Variants in SMC1A observed in about 807,000 individuals in gnomAD.
The protein encoded by SMC1A is structural maintenance of chromosomes protein 1A.
In SMC1A, 4 loss-of-function variants were observed where a neutral mutation model predicts 94.5. The ratio of observed to expected loss-of-function variants is 0.04; its 90% CI spans 0.02 to 0.10. The LOEUF is 0.10. Ranked by LOEUF, SMC1A falls within the 10% of genes least tolerant of loss-of-function variation. SMC1A has a pLI of 1.00. For missense variants in SMC1A, 304 were observed against 989.0 expected (o/e 0.31, Z 9.29); for synonymous variants, 345 against 347.7 (o/e 0.99, Z 0.09).
chrX:53,419,087 G>A (rs940710959), intron 1 of SMC1A, among the ~76,000 whole-genome samples: 2 of 105,463 alleles, frequency 1.9e-5, no homozygotes, highest in Non-Finnish European at 3.9e-5. Context: ...TGGTGGATAA[G>A]GAGGAACAGT....
At chrX:53,410,808 CAATAAA>C (rs1260074784) in intron 7 of SMC1A, among the ~76,000 whole-genome samples, 1 of 103,908 alleles carries the variant, frequency 9.6e-6, no homozygotes, top group African/African-American at 3.5e-5. Context: ...TCTCAAAAAA[CAATAAA>C]AATAAAAATA....
chrX:53,396,435 A>G (rs2075651470), intron 17 of SMC1A, 37 bp downstream of exon 17: 3 of 1,210,794 alleles, frequency 2.5e-6, no homozygotes, highest in Non-Finnish European at 3.4e-6. Context: ...TGCCTGCTCT[A>G]TCTACGTCCT....
chrX:53,406,945 G>A (rs1435457338), intron 9 of SMC1A, among the ~76,000 whole-genome samples: 2 of 111,994 alleles, frequency 1.8e-5, no homozygotes, highest in Non-Finnish European at 3.8e-5. Context: ...TGATCTGCCC[G>A]CCTCGGCCTC....
Position 53,409,522 on chromosome X carries a change from A to T in SMC1A, c.1255-19T>A. 8.5e-7 allele frequency: 1 copy of T among 1,177,881 alleles called. No homozygotes were observed. The highest frequency in any genetic ancestry group is 1.8e-5 in the South Asian group (1 of 56,162). ...TCTTGGCCTGGGAAACAAACATTCC[A>T]TCATCAGGGGCTGCACGAGTTTACG... On this transcript the variant is annotated intron_variant, in intron 7 of 24. Transcript: ENST00000322213.
intron 1 of SMC1A, among the ~76,000 whole-genome samples, chrX:53,420,419 G>T (rs1258274970): frequency 1.8e-5 from 2 of 108,543 alleles, no homozygotes; most frequent in Non-Finnish European, 1.9e-5. Flanking sequence ...AGCTACTTGG[G>T]AGGCTGAGGC....
chrX:53,394,074 G>A lies in SMC1A; in HGVS notation c.2973+704C>T, dbSNP rs1318366787. Among the ~76,000 whole-genome samples, 4 of 105,126 alleles carry A rather than the reference G, an allele frequency of 3.8e-5. No homozygotes were observed. The Admixed American group carries it at 4.2e-4, about 11-fold the overall frequency. The allele number at this position is 105,126 out of a possible 115,157, so 91.3% of individuals were successfully genotyped here. Reference sequence around the variant, plus strand: ...TGAGGCAGGAGAATCGCTTGAACCTGGGAGGCAGAGGTTGCAGCAGTGAGT... The same window carrying A: ...TGAGGCAGGAGAATCGCTTGAACCTAGGAGGCAGAGGTTGCAGCAGTGAGT... On this transcript the variant is annotated intron_variant, in intron 19 of 24. Coordinates refer to ENST00000322213, the MANE Select transcript of SMC1A (RefSeq NM_006306.4).
chrX:53,422,179 G>A (rs1054000908), intron 1 of SMC1A: 26 of 682,209 alleles, frequency 3.8e-5, no homozygotes, highest in Non-Finnish European at 5.4e-5. Flanking sequence ...GGAGGACTGA[G>A]CTGGCGGGAA....
intron 1 of SMC1A, among the ~76,000 whole-genome samples, chrX:53,416,063 A>T (rs1556891249): frequency 9.1e-6 from 1 of 110,173 alleles, no homozygotes; most frequent in East Asian, 2.9e-4. Flanking sequence ...GCACTTTGGG[A>T]GGCTGAGGCA....
intron 3 of SMC1A, 60 bp downstream of exon 3, chrX:53,414,698 G>A: frequency 2.8e-6 from 2 of 707,847 alleles, no homozygotes; most frequent in African/African-American, 2.1e-5. Context: ...AGCAGACAGA[G>A]TGGGGATGGG....
intron 22 of SMC1A, chrX:53,381,863 C>A (rs2075584697): frequency 3.4e-6 from 1 of 293,485 alleles, no homozygotes; most frequent in African/African-American, 2.7e-5. Context: ...TCAGGGTATG[C>A]CACAGTGATC....
At chrX:53,412,399 T>A in intron 5 of SMC1A, 146 bp from the exon 6 acceptor site, 1 of 575,947 alleles carries the variant, frequency 1.7e-6, no homozygotes, top group Non-Finnish European at 2.7e-6. Flanking sequence ...CCACAGATCC[T>A]GAAAAAAAGG....
intron 9 of SMC1A, among the ~76,000 whole-genome samples, chrX:53,408,196 C>T (rs1438089866): frequency 3.6e-5 from 4 of 111,083 alleles, no homozygotes; most frequent in Admixed American, 1.9e-4. Context: ...TTGGGCATGG[C>T]GGCGAGCACC....
chrX:53,394,909 C>T (rs2075645411), intron 18 of SMC1A, 21 bp from the exon 19 acceptor site: 2 of 986,613 alleles, frequency 2.0e-6, no homozygotes. Context: ...AACGGAGAGT[C>T]AAGTGGAGCA....
At chrX:53,408,848 A>T (rs1556890100) in intron 9 of SMC1A, among the ~76,000 whole-genome samples, 1 of 108,962 alleles carries the variant, frequency 9.2e-6, no homozygotes, top group South Asian at 3.9e-4. Flanking sequence ...AATAAAAAAA[A>T]AAAAAAAAAA....
intron 3 of SMC1A, among the ~76,000 whole-genome samples, chrX:53,413,893 A>G (rs146800340): frequency 2.7e-5 from 3 of 110,560 alleles, no homozygotes; most frequent in African/African-American, 9.9e-5. Flanking sequence ...CCTAGCCAAA[A>G]TGGTAAAACT....
chrX:53,403,947 C>T, intron 13 of SMC1A, 54 bp from the exon 14 acceptor site: 1 of 858,093 alleles, frequency 1.2e-6, no homozygotes. Flanking sequence ...GGAGAAAAAG[C>T]TACCTTGACT....
chrX:53,382,668 A>G lies in SMC1A; in HGVS notation c.3131-8T>C. 3 of 1,211,213 alleles carry G rather than the reference A, an allele frequency of 2.5e-6. No homozygotes were observed. Among genetic ancestry groups the G allele is most frequent in the Non-Finnish European group, 3.4e-6 (3 of 895,407 alleles). ...TTCGGGCTGCTTCAAACTCTGCCAGAAAGAAAGACAGGAGACCCCTCAGTG... is the reference window on the plus strand; with the variant it reads ...TTCGGGCTGCTTCAAACTCTGCCAGGAAGAAAGACAGGAGACCCCTCAGTG... On this transcript the variant is annotated splice_polypyrimidine_tract_variant and splice_region_variant and intron_variant, in intron 20 of 24. Coordinates refer to ENST00000322213, the MANE Select transcript of SMC1A (RefSeq NM_006306.4).
chrX:53,403,022 A>C (rs1403969353), intron 15 of SMC1A, among the ~76,000 whole-genome samples: 1 of 99,921 alleles, frequency 1.0e-5, no homozygotes, highest in Non-Finnish European at 2.0e-5. Context: ...ACAACAACAA[A>C]AAACAAAAAA....
chrX:53,388,858 G>A (rs1191051351), intron 19 of SMC1A, among the ~76,000 whole-genome samples: 9 of 107,605 alleles, frequency 8.4e-5, no homozygotes, highest in East Asian at 5.8e-4. Context: ...TTAGCCGGGC[G>A]TGGTGGCGGG....
Sources: allele counts gnomAD v4.1 joint callset (sites outside exome capture counted in the v4.1 genomes callset), GRCh38; gene constraint gnomAD v4.1.1; transcripts MANE v1.5; gene names NCBI Gene and HGNC (gene_info 2026-07-23, HGNC 2026-07-21).